Variants in CTNNA3 observed in about 807,000 individuals in gnomAD.
CTNNA3 encodes catenin alpha-3.
A neutral mutation model predicts 95.7 loss-of-function variants in CTNNA3; 76 were observed. The observed-to-expected ratio is 0.79, with a 90% CI of 0.66 to 0.96. The LOEUF (loss-of-function observed/expected upper bound fraction) is 0.96, where lower values mean the gene tolerates loss of function less well. Ranked by LOEUF, CTNNA3 falls within the 40% of genes least tolerant of loss-of-function variation. The pLI is 0.00. For synonymous variants in CTNNA3, 431 were observed against 374.4 expected (o/e 1.15, Z -1.74); for missense variants, 1,191 against 1,089.8 (o/e 1.09, Z -1.31).
At chr10:67,176,678 T>C (rs753673923) in intron 7 of CTNNA3, among the ~76,000 whole-genome samples, 10 of 152,316 alleles carry the variant, frequency 6.6e-5, no homozygotes, top group Non-Finnish European at 1.5e-4. Context: ...GGCCTTCAGA[T>C]GGGAGGATTA....
At chr10:66,232,460 A>G (rs1351472377) in intron 13 of CTNNA3, among the ~76,000 whole-genome samples, 1 of 152,108 alleles carries the variant, frequency 6.6e-6, no homozygotes, top group African/African-American at 2.4e-5. Flanking sequence ...TAAAACTAAT[A>G]CAATTTTGAT....
rs1403735066 is a variant in CTNNA3 at position 67,661,756 on chromosome 10, T to C, written c.-5-14238A>G. 2.0e-5 allele frequency among the ~76,000 whole-genome samples: 3 copies of C among 152,058 alleles called. No homozygotes were observed. The East Asian group carries it at 5.8e-4, about 29-fold the overall frequency. ...AAAAGACATCTTACCAAAGAAAATA[T>C]ATACATGGCAAATAAGCACATGAAA... On this transcript the variant is annotated intron_variant, in intron 1 of 17. Coordinates refer to ENST00000433211, the MANE Select transcript of CTNNA3 (RefSeq NM_013266.4).
At chr10:67,673,373 C>A in intron 1 of CTNNA3, among the ~76,000 whole-genome samples, 2 of 148,826 alleles carry the variant, frequency 1.3e-5, no homozygotes. Context: ...GCCTAATTGC[C>A]CTGGCCAGAA....
chr10:67,264,898 C>T (rs1253770565), intron 5 of CTNNA3, among the ~76,000 whole-genome samples: 3 of 152,068 alleles, frequency 2.0e-5, no homozygotes, highest in Admixed American at 1.3e-4. Context: ...ATGAAGGCAT[C>T]GAGAAAAGAC....
At chr10:66,279,119 A>G (rs1192174587) in intron 13 of CTNNA3, among the ~76,000 whole-genome samples, 1 of 151,950 alleles carries the variant, frequency 6.6e-6, no homozygotes, top group Non-Finnish European at 1.5e-5. Context: ...CTTTGTCTTG[A>G]CACCTTTAGA....
intron 17 of CTNNA3, among the ~76,000 whole-genome samples, chr10:65,923,052 A>G (rs1000239716): frequency 1.3e-5 from 2 of 152,140 alleles, no homozygotes; most frequent in African/African-American, 4.8e-5. Flanking sequence ...CCCTCCCTCA[A>G]TATGTGGGGA....
intron 9 of CTNNA3, among the ~76,000 whole-genome samples, chr10:66,654,921 G>C (rs1846025406): frequency 6.6e-6 from 1 of 152,044 alleles, no homozygotes; most frequent in Non-Finnish European, 1.5e-5. Flanking sequence ...GAGTGGAACA[G>C]TGGTTAACAT....
At chr10:67,328,305 G>A (rs1042464661) in intron 5 of CTNNA3, among the ~76,000 whole-genome samples, 2 of 152,142 alleles carry the variant, frequency 1.3e-5, no homozygotes, top group Non-Finnish European at 2.9e-5. Context: ...CAGGGCACCC[G>A]AGGCTGCTCT....
At chr10:65,986,164 A>T (rs939690460) in intron 16 of CTNNA3, among the ~76,000 whole-genome samples, 11 of 151,416 alleles carry the variant, frequency 7.3e-5, no homozygotes, top group Non-Finnish European at 1.5e-4. Context: ...GTTGACTCTG[A>T]GTGTGAATCC....
In CTNNA3 at chr10:67,394,408, T is replaced by C. The variant is rs184597669; in HGVS notation, c.579+127434A>G. 1.1e-3 allele frequency among the ~76,000 whole-genome samples: 173 copies of C among 151,970 alleles called. 1 individual carries two copies. Among genetic ancestry groups the C allele is most frequent in the Non-Finnish European group, 9.3e-4 (63 of 67,954 alleles). ...AAAATACATAAAATCTTTCATAAAA[T>C]GAAAGATAGCACAGACAGCTATAAG... is the stretch of plus-strand genomic sequence containing the variant. On this transcript the variant is annotated intron_variant, in intron 5 of 17. Transcript: ENST00000433211.
At chr10:67,301,538 A>G (rs562492623) in intron 5 of CTNNA3, among the ~76,000 whole-genome samples, 6 of 152,318 alleles carry the variant, frequency 3.9e-5, no homozygotes, top group Non-Finnish European at 8.8e-5. Context: ...ATGTCAAAGA[A>G]ATATCTGCAC....
chr10:66,416,629 C>A (rs2093148575), intron 11 of CTNNA3, among the ~76,000 whole-genome samples: 1 of 151,516 alleles, frequency 6.6e-6, no homozygotes, highest in Non-Finnish European at 1.5e-5. Context: ...CAGTAGAAAC[C>A]TTATAGGCCA....
intron 13 of CTNNA3, among the ~76,000 whole-genome samples, chr10:66,218,951 C>T (rs779898481): frequency 7.2e-5 from 11 of 152,170 alleles, no homozygotes; most frequent in Non-Finnish European, 1.6e-4. Flanking sequence ...TTCCTAGGAA[C>T]AAAGACTCCT....
intron 7 of CTNNA3, among the ~76,000 whole-genome samples, chr10:66,841,725 T>A (rs1843071385): frequency 6.6e-6 from 1 of 152,166 alleles, no homozygotes; most frequent in Non-Finnish European, 1.5e-5. Flanking sequence ...TTCAAATCAA[T>A]AATCATGCAC....
intron 5 of CTNNA3, among the ~76,000 whole-genome samples, chr10:67,499,116 C>A (rs914020857): frequency 1.3e-5 from 2 of 152,058 alleles, no homozygotes; most frequent in Non-Finnish European, 2.9e-5. Flanking sequence ...TCCATCAATA[C>A]CTAGTTTATT....
At chr10:67,373,411 A>T (rs1843560466) in intron 5 of CTNNA3, among the ~76,000 whole-genome samples, 1 of 152,250 alleles carries the variant, frequency 6.6e-6, no homozygotes, top group South Asian at 2.1e-4. Context: ...GATAAATTCA[A>T]CAAGAAGAGC....
chr10:66,957,830 T>G (rs548100603), intron 7 of CTNNA3, among the ~76,000 whole-genome samples: 1 of 152,166 alleles, frequency 6.6e-6, no homozygotes, highest in African/African-American at 2.4e-5. Context: ...TTGCAGCCAC[T>G]ACTAAGCTAG....
chr10:67,195,152 C>T (rs1863291061), intron 6 of CTNNA3, among the ~76,000 whole-genome samples: 2 of 151,870 alleles, frequency 1.3e-5, no homozygotes, highest in Non-Finnish European at 2.9e-5. Context: ...CTATTTAATT[C>T]CTGATAAATT....
chr10:66,252,816 A>G (rs2090614601), intron 13 of CTNNA3, among the ~76,000 whole-genome samples: 1 of 152,236 alleles, frequency 6.6e-6, no homozygotes. Context: ...GGCTCCAGCC[A>G]TCAGGTAAAT....
Sources: gnomAD v4.1 joint callset for allele counts (sites outside exome capture counted in the v4.1 genomes callset) on GRCh38, gnomAD v4.1.1 for gene constraint, MANE v1.5 for transcripts, NCBI Gene and HGNC (gene_info 2026-07-23, HGNC 2026-07-21) for gene names.